CACNA1I: variants seen among roughly 807,000 people sequenced by gnomAD.
The protein encoded by CACNA1I is calcium voltage-gated channel subunit alpha1 I, also known as voltage-dependent T-type calcium channel subunit alpha-1I.
Under a neutral mutation model 201.6 loss-of-function variants are expected in CACNA1I, and 74 were observed. The observed-to-expected ratio is 0.37, with a 90% confidence interval of 0.30 to 0.45. CACNA1I has a LOEUF of 0.45. CACNA1I is among the 20% of genes least tolerant of loss of function. The pLI is 1.00. For synonymous variants in CACNA1I, 1,431 were observed against 1,345.2 expected (o/e 1.06, Z -1.40); for missense variants, 2,346 against 3,138.1 (o/e 0.75, Z 6.03).
rs900087236 is a variant in CACNA1I, at chr22:39,651,948, C to T, written c.1992+2023C>T. On this transcript the variant is annotated intron_variant, in intron 10 of 36. Coordinates refer to ENST00000402142, the MANE Select transcript of CACNA1I (RefSeq NM_021096.4). ...GCAGGTCCAGCCTCAGGCCAGGCCA[C>T]GGTCCCTGCCCAAGCCTCCTCAGGA... Among the ~76,000 whole-genome samples the T allele has an allele frequency of 7.2e-5, 11 of 152,080 alleles. No individual in the cohort carries two copies. In the East Asian group the frequency reaches 7.7e-4, roughly 11 times the overall value.
chr22:39,598,311 C>T, intron 2 of CACNA1I, 49 bp downstream of exon 2: 2 of 1,028,998 alleles, frequency 1.9e-6, no homozygotes, highest in Non-Finnish European at 2.8e-6. Flanking sequence ...TCCTCCAGGA[C>T]CCGGCCTATG....
intron 3 of CACNA1I, among the ~76,000 whole-genome samples, chr22:39,618,333 AGGTGTGTGTTTGTG>A (rs2146391553): frequency 7.4e-6 from 1 of 134,326 alleles, no homozygotes; most frequent in Admixed American, 7.3e-5. Flanking sequence ...GTGATTGTGC[AGGTGTGTGTTTGTG>A]GGTGTGTGGT....
intron 5 of CACNA1I, among the ~76,000 whole-genome samples, chr22:39,636,805 C>T (rs950081534): frequency 3.9e-5 from 6 of 152,224 alleles, no homozygotes; most frequent in South Asian, 2.1e-4. Flanking sequence ...TCTCCCCAGC[C>T]GGGCTGTTGC....
At chr22:39,656,467 A>C (rs1934827164) in intron 10 of CACNA1I, 1 of 516,172 alleles carries the variant, frequency 1.9e-6, no homozygotes, top group Non-Finnish European at 3.9e-6. Flanking sequence ...GCCACCCCCC[A>C]CTTTCCTGGC....
At chr22:39,660,838 G>A (rs1254118351) in intron 15 of CACNA1I, among the ~76,000 whole-genome samples, 1 of 152,140 alleles carries the variant, frequency 6.6e-6, no homozygotes, top group Non-Finnish European at 1.5e-5. Flanking sequence ...GTTTCCCATA[G>A]TGGGCATGGG....
In CACNA1I at chr22:39,677,945, C is replaced by T. The variant is rs1569098235; in HGVS notation, c.4934-42C>T. The T allele has an allele frequency of 6.5e-7, 1 of 1,544,932 alleles. No homozygotes were observed. Among genetic ancestry groups the T allele is most frequent in the Non-Finnish European group, 8.7e-7 (1 of 1,145,252 alleles). On this transcript the variant is annotated intron_variant, in intron 30 of 36. Transcript: ENST00000402142. This position sits in a 1 kb window ranked among gnomAD's most constrained non-coding sequence, Gnocchi z 4.8. ...ACCAGGTCAGGGTGAGCCCCGCAGG[C>T]ACTCCGCCATCGGGCAGGGCTGACC...
chr22:39,576,595 C>T (rs947301953), intron 1 of CACNA1I, among the ~76,000 whole-genome samples: 3 of 152,234 alleles, frequency 2.0e-5, no homozygotes, highest in Admixed American at 6.5e-5. Context: ...TGGTGGGAAG[C>T]AGTGATGCAT....
chr22:39,585,407 T>C (rs1280760672), intron 1 of CACNA1I, among the ~76,000 whole-genome samples: 103 of 97,846 alleles, frequency 1.1e-3, no homozygotes, highest in African/African-American at 4.4e-3. Flanking sequence ...TTTTTTTTTT[T>C]GAGACTGAGT....
At chr22:39,641,945 C>A (rs1296464227) in intron 6 of CACNA1I, among the ~76,000 whole-genome samples, 1 of 152,076 alleles carries the variant, frequency 6.6e-6, no homozygotes, top group African/African-American at 2.4e-5. Context: ...ACGCTCAGGG[C>A]AGCCAGCCCT....
rs75705033 is a variant in CACNA1I at position 39,649,317 on chromosome 22, G to A, written c.1568-184G>A. On this transcript the variant is annotated intron_variant, in intron 9 of 36. Transcript: ENST00000402142. This position sits in a 1 kb window ranked among gnomAD's most constrained non-coding sequence, Gnocchi z 7.3. Reference sequence around the variant, plus strand: ...TTCCTGCCCCAACTTCTACAACAGGGGCAGACAAAGCTCAGAGAGCTGCAG... The same window carrying A: ...TTCCTGCCCCAACTTCTACAACAGGAGCAGACAAAGCTCAGAGAGCTGCAG... Among the ~76,000 whole-genome samples the A allele has an allele frequency of 0.021, 3,246 of 152,314 alleles. 59 individuals are homozygous for A. The highest frequency in any genetic ancestry group is 0.034 in the Non-Finnish European group (2,296 of 68,022).
At chr22:39,675,084 G>A (rs1175897808) in intron 29 of CACNA1I, among the ~76,000 whole-genome samples, 2 of 152,216 alleles carry the variant, frequency 1.3e-5, no homozygotes, top group African/African-American at 2.4e-5. Flanking sequence ...AGGCTGTGCC[G>A]ACAGGAAGTA....
chr22:39,618,053 G>A (rs982312968), intron 3 of CACNA1I, among the ~76,000 whole-genome samples: 4 of 151,646 alleles, frequency 2.6e-5, no homozygotes, highest in African/African-American at 9.7e-5. Flanking sequence ...GTGTGTATTT[G>A]TGCTTGTGTA....
chr22:39,575,716 C>G (rs1401751918), intron 1 of CACNA1I, among the ~76,000 whole-genome samples: 1 of 152,070 alleles, frequency 6.6e-6, no homozygotes, highest in East Asian at 1.9e-4. Context: ...GAGCCATCAG[C>G]CTGAAACCTA....
chr22:39,686,369 G>A lies in CACNA1I; in HGVS notation c.6636G>A (p.Leu2212=). ...APPPQPLPGE[L]EPGDAASKRK... is the part of the protein sequence containing the mutation. Reference sequence around the variant, plus strand: ...CGCCGCAACCGCTCCCCGGAGAGCTGGAGCCGGGAGACGCCGCCAGCAAGA... The same window carrying A: ...CGCCGCAACCGCTCCCCGGAGAGCTAGAGCCGGGAGACGCCGCCAGCAAGA... The change falls in exon 37 of 37, where the codon CTG becomes CTA. Residue 2212 remains leucine (L), a synonymous_variant. Transcript: ENST00000402142. 2.3e-6 allele frequency: 3 copies of A among 1,306,032 alleles called. No homozygotes were observed. Among genetic ancestry groups the A allele is most frequent in the Non-Finnish European group, 2.9e-6 (3 of 1,024,824 alleles). 80.9% of individuals were successfully genotyped at this position (1,306,032 alleles called of 1,614,324 possible). A position where few individuals can be genotyped will look rare whatever the true frequency, so the allele number is the denominator to read the frequency against.
rs764665213 is a variant in CACNA1I, at chr22:39,646,688, C to G, written c.1269C>G (p.Ser423Arg). Residue 423 changes from serine to arginine, a missense_variant, in exon 8 of 37, where the codon AGC becomes AGG. Coordinates refer to ENST00000402142, the MANE Select transcript of CACNA1I (RefSeq NM_021096.4). Reference sequence around the variant, plus strand: ...AGCGGCAGCGCTACCTGTCCTCCAGCACGGTGGCCAGCTACGCCGAGCCTG... The same window carrying G: ...AGCGGCAGCGCTACCTGTCCTCCAGGACGGTGGCCAGCTACGCCGAGCCTG... Reference protein sequence around the residue: ...LEQRQRYLSSSTVASYAEPGD... With the variant: ...LEQRQRYLSSRTVASYAEPGD... 1 of 1,589,026 alleles carries G rather than the reference C, an allele frequency of 6.3e-7. No homozygotes were observed. Among genetic ancestry groups the G allele is most frequent in the Non-Finnish European group, 8.6e-7 (1 of 1,168,130 alleles).
At position 39,665,702 on chromosome 22, in the gene CACNA1I, C is replaced by T; in HGVS notation, c.3978+78C>T. 1 of 1,572,992 alleles carries T rather than the reference C, an allele frequency of 6.4e-7. No individual in the cohort carries two copies. Among genetic ancestry groups the T allele is most frequent in the East Asian group, 2.2e-5 (1 of 44,482 alleles). Reference sequence around the variant, plus strand: ...AAGTCTCAGACAGCCAGGGGAGAGACTCCACATTCCAACCTCATGCGCCTT... The same window carrying T: ...AAGTCTCAGACAGCCAGGGGAGAGATTCCACATTCCAACCTCATGCGCCTT... On this transcript the variant is annotated intron_variant, in intron 22 of 36. Transcript: ENST00000402142. This position sits in a 1 kb window ranked among gnomAD's most constrained non-coding sequence, Gnocchi z 5.5.
rs571960697 is a variant in CACNA1I at position 39,664,501 on chromosome 22, C to G, written c.3667-238C>G. Among the ~76,000 whole-genome samples, 3 of 152,232 alleles carry G rather than the reference C, an allele frequency of 2.0e-5. No individual in the cohort carries two copies. In the East Asian group the frequency reaches 5.8e-4, roughly 30 times the overall value. On this transcript the variant is annotated intron_variant, in intron 20 of 36. Transcript: ENST00000402142. Reference sequence around the variant, plus strand: ...TTTCAATTGGATTTGCCAGAGGCACCGGGAACCTAACAGGGCGGCCTGCTG... The same window carrying G: ...TTTCAATTGGATTTGCCAGAGGCACGGGGAACCTAACAGGGCGGCCTGCTG...
intron 5 of CACNA1I, among the ~76,000 whole-genome samples, chr22:39,638,137 G>A (rs1461572730): frequency 6.6e-6 from 1 of 152,156 alleles, no homozygotes; most frequent in African/African-American, 2.4e-5. Context: ...ATGGGGTTTT[G>A]CCATGTTGGC....
intron 4 of CACNA1I, 63 bp from the exon 5 acceptor site, chr22:39,634,498 TCTCA>T: frequency 6.6e-7 from 1 of 1,504,734 alleles, no homozygotes; most frequent in Non-Finnish European, 9.2e-7. Flanking sequence ...CTAACCTTGC[TCTCA>T]CTCTTTCGTC....
Sources: allele counts gnomAD v4.1 joint callset (sites outside exome capture counted in the v4.1 genomes callset), GRCh38; gene constraint gnomAD v4.1.1; non-coding constraint Gnocchi (gnomAD v3.1); transcripts MANE v1.5; gene names NCBI Gene and HGNC (gene_info 2026-07-23, HGNC 2026-07-21).